Variants in DNAH3 observed in about 807,000 individuals in gnomAD.
DNAH3 encodes dynein axonemal heavy chain 3.
In DNAH3, 332 loss-of-function variants were observed where a neutral mutation model predicts 432.5. The observed-to-expected ratio is 0.77, with a 90% CI of 0.70 to 0.84. The LOEUF (loss-of-function observed/expected upper bound fraction) is 0.84. DNAH3 is among the 40% of genes least tolerant of loss of function. The pLI is 0.00. For missense variants in DNAH3, 4,861 were observed against 5,114.0 expected (o/e 0.95, Z 1.51); for synonymous variants, 1,956 against 1,900.2 (o/e 1.03, Z -0.76).
At chr16:21,083,882 T>C (rs978687510) in intron 19 of DNAH3, among the ~76,000 whole-genome samples, 1 of 152,146 alleles carries the variant, frequency 6.6e-6, no homozygotes, top group Admixed American at 6.5e-5. Flanking sequence ...TAGGGGCCTT[T>C]GTCCTTTCTG....
chr16:20,970,384 C>T (rs1371172021), intron 51 of DNAH3, among the ~76,000 whole-genome samples: 1 of 152,034 alleles, frequency 6.6e-6, no homozygotes, highest in Non-Finnish European at 1.5e-5. Context: ...ATTAGCCAGG[C>T]GTGGTGGTGG....
chr16:20,944,201 G>GAA (rs750181446), intron 58 of DNAH3, among the ~76,000 whole-genome samples: 1 of 4,494 alleles, frequency 2.2e-4, no homozygotes, highest in East Asian at 0.05. Context: ...AAAAGCAAAA[G>GAA]AAAAAAAAAA....
intron 1 of DNAH3, chr16:21,150,520 C>T (rs1017454354): frequency 4.1e-6 from 1 of 244,152 alleles, no homozygotes; most frequent in Non-Finnish European, 8.2e-6. Context: ...AGACTTTGGC[C>T]CGCTGAGGAG....
intron 34 of DNAH3, 27 bp from the exon 35 acceptor site, chr16:21,036,875 G>A (rs2089198214): frequency 6.3e-7 from 1 of 1,582,338 alleles, no homozygotes. Flanking sequence ...AAAAGAAAGT[G>A]GAAAGGATAA....
chr16:21,140,360 C>A, intron 5 of DNAH3, 176 bp downstream of exon 6: 1 of 585,334 alleles, frequency 1.7e-6, no homozygotes, highest in Non-Finnish European at 3.0e-6. Context: ...CTCCTTCTCT[C>A]TCACTCGCAC....
chr16:21,120,489 G>T (rs538628333), intron 11 of DNAH3: 3 of 560,682 alleles, frequency 5.4e-6, no homozygotes, highest in Admixed American at 3.1e-5. Context: ...CATTCTTAAA[G>T]ATTTTTCTTA....
intron 49 of DNAH3, among the ~76,000 whole-genome samples, chr16:20,982,342 C>T (rs968582168): frequency 1.3e-5 from 2 of 152,070 alleles, no homozygotes; most frequent in African/African-American, 2.4e-5. Flanking sequence ...GCTGAGATTG[C>T]ACCAAGGAAC....
chr16:21,104,206 GT>G, intron 16 of DNAH3: 1 of 315,256 alleles, frequency 3.2e-6, no homozygotes, highest in Non-Finnish European at 6.0e-6. Flanking sequence ...CTAGTTTTGC[GT>G]TTTTCTCTCT....
Position 21,127,852 on chromosome 16 carries a change from G to A in DNAH3, c.1083-40C>T, listed in dbSNP as rs368449022. 6.1e-5 allele frequency: 98 copies of A among 1,611,734 alleles called. 1 individual carries two copies. The highest frequency in any genetic ancestry group is 8.1e-5 in the Non-Finnish European group (96 of 1,178,588). On this transcript the variant is annotated intron_variant, in intron 7 of 61. Coordinates refer to ENST00000261383, the Ensembl canonical transcript of DNAH3. ...GGAGAAATTTCCTAAGCTAAAGAAC[G>A]CTTAATAACAAATCCCGCAGGACAG...
intron 20 of DNAH3, 104 bp downstream of exon 20, chr16:21,081,532 A>G: frequency 1.1e-6 from 1 of 880,376 alleles, no homozygotes; most frequent in Non-Finnish European, 1.8e-6. Flanking sequence ...CTACGCCACA[A>G]GGAAAAAAAA....
intron 19 of DNAH3, among the ~76,000 whole-genome samples, chr16:21,086,047 C>A (rs12185177): frequency 6.6e-6 from 1 of 151,928 alleles, no homozygotes; most frequent in African/African-American, 2.4e-5. Context: ...CTTGAGCCAC[C>A]GTGCCTGGTC....
chr16:21,081,663 T>G (rs1567757616), exon 20 of DNAH3: 2 of 1,613,708 alleles, frequency 1.2e-6, no homozygotes, highest in East Asian at 2.2e-5. Context: ...GAATCCAAAT[T>G]CGAGCATATT....
rs373431804 is a variant in DNAH3, at chr16:20,957,712, CAGG to C, written c.10826+1464_10826+1466del. ...CTGTAGTAGCCTCAGGAGGCCGAGG[CAGG>C]AGAATCGCTTGAACCCGGGAGGCAG... On this transcript the variant is annotated intron_variant, in intron 54 of 61. Transcript: ENST00000261383. Among the ~76,000 whole-genome samples the C allele has an allele frequency of 9.4e-5, 14 of 148,436 alleles. No homozygotes were observed. In the East Asian group the frequency reaches 2.8e-3, roughly 30 times the overall value.
At chr16:21,041,549 G>A (rs1026515851) in intron 32 of DNAH3, among the ~76,000 whole-genome samples, 6 of 152,234 alleles carry the variant, frequency 3.9e-5, no homozygotes, top group African/African-American at 1.4e-4. Flanking sequence ...AGTAACAGGG[G>A]GTAGACCATG....
chr16:21,008,378 T>C (rs756434878), intron 41 of DNAH3, among the ~76,000 whole-genome samples: 29 of 152,174 alleles, frequency 1.9e-4, no homozygotes, highest in Non-Finnish European at 3.2e-4. Context: ...CCTTAATCCA[T>C]AGGGTTGGGT....
chr16:21,033,090 T>A lies in DNAH3; in HGVS notation c.5197+884A>T, dbSNP rs575677698. On this transcript the variant is annotated intron_variant, in intron 36 of 61. Transcript: ENST00000261383. ...GAAGTGATCCGCCCGCCTTGGCCCC[T>A]CAAAATGCCGGGATTATGGGTGTGA... Among the ~76,000 whole-genome samples, 10 of 152,206 alleles carry A rather than the reference T, an allele frequency of 6.6e-5. 1 individual carries two copies. The South Asian group carries it at 2.1e-3, about 32-fold the overall frequency.
intron 1 of DNAH3, among the ~76,000 whole-genome samples, chr16:21,155,407 A>G (rs1022502951): frequency 6.6e-6 from 1 of 152,030 alleles, no homozygotes; most frequent in African/African-American, 2.4e-5. Flanking sequence ...GCGGATCACA[A>G]AGTCAGGAGT....
chr16:21,042,304 C>G, intron 31 of DNAH3, 101 bp from the exon 32 acceptor site: 1 of 1,246,810 alleles, frequency 8.0e-7, no homozygotes, highest in Non-Finnish European at 1.1e-6. Context: ...AACCCAATCA[C>G]CCAAAAACCG....
rs116275258 is a variant in DNAH3 at position 21,088,239 on chromosome 16, T to C, written c.2666-1179A>G. On this transcript the variant is annotated intron_variant, in intron 18 of 61. Transcript: ENST00000261383. The stretch of plus-strand genomic sequence containing the variant: ...ATCCTTCATGCACCAGGAAATATTG[T>C]AGGTGCTGGGCTAGAATAGAAAGGC... Among the ~76,000 whole-genome samples the C allele has an allele frequency of 6.3e-3, 957 of 152,282 alleles. 8 individuals are homozygous for C. The highest frequency in any genetic ancestry group is 0.022 in the African/African-American group (911 of 41,548).
Sources: allele counts gnomAD v4.1 joint callset (sites outside exome capture counted in the v4.1 genomes callset), GRCh38; gene constraint gnomAD v4.1.1; transcripts MANE v1.5; gene names NCBI Gene and HGNC (gene_info 2026-07-23, HGNC 2026-07-21).